The following OPRD1 variants were observed in gnomAD, a reference collection of about 807,000 sequenced individuals.
OPRD1 encodes delta-type opioid receptor.
A neutral mutation model predicts 17.5 loss-of-function variants in OPRD1; 19 were observed. That is an observed-to-expected ratio of 1.09 (90% CI 0.76 to 1.60). The LOEUF (loss-of-function observed/expected upper bound fraction) is 1.60. Among genes scored for constraint, OPRD1 ranks in the 40% most tolerant of loss-of-function variants. The pLI, the probability that OPRD1 is intolerant of heterozygous loss-of-function variation, is 0.00. For missense variants in OPRD1, 483 were observed against 547.2 expected (o/e 0.88, Z 1.17); for synonymous variants, 256 against 240.9 (o/e 1.06, Z -0.58).
At position 28,863,472 on chromosome 1, in the gene OPRD1, G is replaced by A; in HGVS notation, c.*189G>A. On this transcript the variant is annotated 3_prime_UTR_variant, in exon 3 of 3. Coordinates refer to ENST00000234961, the MANE Select transcript of OPRD1 (RefSeq NM_000911.4). ...GGGCATGGGGTGGGCCTCTGGTTTGGGGCGAGGCAGAGGACAGATCAATGG... is the reference window on the plus strand; with the variant it reads ...GGGCATGGGGTGGGCCTCTGGTTTGAGGCGAGGCAGAGGACAGATCAATGG... 5 of 627,482 alleles carry A rather than the reference G, an allele frequency of 8.0e-6. No homozygotes were observed. Among genetic ancestry groups the A allele is most frequent in the African/African-American group, 2.0e-5 (1 of 50,888 alleles). 38.9% of individuals were successfully genotyped at this position (627,482 alleles called of 1,614,324 possible). A position where few individuals can be genotyped will look rare whatever the true frequency, so the allele number is the denominator to read the frequency against.
At chr1:28,830,532 A>G (rs1429388065) in intron 1 of OPRD1, among the ~76,000 whole-genome samples, 2 of 152,096 alleles carry the variant, frequency 1.3e-5, no homozygotes, top group East Asian at 3.8e-4. Flanking sequence ...CAAAAATAAA[A>G]CAACAACAAC....
At chr1:28,839,693 T>TG (rs1419634639) in intron 1 of OPRD1, among the ~76,000 whole-genome samples, 2 of 151,772 alleles carry the variant, frequency 1.3e-5, no homozygotes, top group African/African-American at 4.8e-5. Context: ...TGTGCATCAG[T>TG]GGGAAAAAAA....
intron 1 of OPRD1, among the ~76,000 whole-genome samples, chr1:28,832,847 C>G (rs577171676): frequency 6.6e-6 from 1 of 152,256 alleles, no homozygotes; most frequent in East Asian, 1.9e-4. Flanking sequence ...ACAGGGGCTC[C>G]CTAGCCCATT....
intron 2 of OPRD1, among the ~76,000 whole-genome samples, chr1:28,862,249 G>A (rs1203270569): frequency 9.2e-5 from 14 of 152,078 alleles, no homozygotes; most frequent in African/African-American, 3.1e-4. Flanking sequence ...CGACAATCCT[G>A]GAGATGTGGG....
chr1:28,814,647 C>T (rs1396238328), intron 1 of OPRD1, among the ~76,000 whole-genome samples: 1 of 152,160 alleles, frequency 6.6e-6, no homozygotes, highest in Non-Finnish European at 1.5e-5. Flanking sequence ...AGCACAGCTT[C>T]CCCACTACCA....
chr1:28,827,847 A>C (rs681301), intron 1 of OPRD1, among the ~76,000 whole-genome samples: 64,631 of 151,980 alleles, frequency 0.43, 15,758 homozygotes, highest in African/African-American at 0.67. Context: ...GCCTCAGTCT[A>C]CCAAGTTGCT....
intron 1 of OPRD1, among the ~76,000 whole-genome samples, chr1:28,842,388 A>G (rs1277134076): frequency 1.3e-5 from 2 of 152,206 alleles, no homozygotes; most frequent in Non-Finnish European, 2.9e-5. Flanking sequence ...TTGCCTGGGG[A>G]GAACATTCTT....
intron 1 of OPRD1, among the ~76,000 whole-genome samples, chr1:28,833,919 G>A (rs537808135): frequency 2.7e-4 from 41 of 152,302 alleles, no homozygotes; most frequent in African/African-American, 9.4e-4. Flanking sequence ...ACAAAAGTAG[G>A]TGGTCACAAA....
At chr1:28,819,266 C>T (rs1167525418) in intron 1 of OPRD1, among the ~76,000 whole-genome samples, 1 of 151,360 alleles carries the variant, frequency 6.6e-6, no homozygotes, top group African/African-American at 2.4e-5. Context: ...GACTGGACAA[C>T]ATAGCAAGAC....
intron 1 of OPRD1, among the ~76,000 whole-genome samples, chr1:28,844,121 G>A (rs949017399): frequency 2.7e-5 from 4 of 150,576 alleles, no homozygotes; most frequent in Non-Finnish European, 4.4e-5. Flanking sequence ...AACGGTACAC[G>A]AGAGTTCCAG....
Position 28,865,083 on chromosome 1 carries a change from A to C in OPRD1, c.*1800A>C, listed in dbSNP as rs2089164996. 6.6e-6 allele frequency: 1 copy of C among 151,750 alleles called. No homozygotes were observed. The highest frequency in any genetic ancestry group is 1.5e-5 in the Non-Finnish European group (1 of 67,990). 9.4% of individuals were successfully genotyped at this position (151,750 alleles called of 1,614,324 possible). A position where few individuals can be genotyped will look rare whatever the true frequency, so the allele number is the denominator to read the frequency against. On this transcript the variant is annotated 3_prime_UTR_variant, in exon 3 of 3. Transcript: ENST00000234961. ...GATATCCACCTGGAGTTGGGTGTAG[A>C]AGTTTTTCTTTTCATTGGTTCGGCA... is the stretch of plus-strand genomic sequence containing the variant.
In OPRD1 at chr1:28,862,948, ATGGTGCTGG is replaced by A; in HGVS notation, c.789_797del (p.Leu264_Val266del). 1 of 1,612,840 alleles carries A rather than the reference ATGGTGCTGG, an allele frequency of 6.2e-7. No individual in the cohort carries two copies. The highest frequency in any genetic ancestry group is 8.5e-7 in the Non-Finnish European group (1 of 1,179,694). ...CCGCAGCCTGCGGCGCATCACGCGC[ATGGTGCTGG>A]TGGTTGTGGGCGCCTTCGTGGTGTG... On this transcript the variant is annotated inframe_deletion, in exon 3 of 3. Transcript: ENST00000234961.
At chr1:28,858,258 C>T (rs2089076888) in intron 1 of OPRD1, among the ~76,000 whole-genome samples, 2 of 150,934 alleles carry the variant, frequency 1.3e-5, no homozygotes, top group African/African-American at 2.4e-5. Flanking sequence ...GGACTACAGG[C>T]GCCCACCATC....
At chr1:28,860,899 T>C (rs1445313249) in intron 2 of OPRD1, among the ~76,000 whole-genome samples, 1 of 152,118 alleles carries the variant, frequency 6.6e-6, no homozygotes, top group Non-Finnish European at 1.5e-5. Context: ...CCATTGGCCT[T>C]GACTCACAGC....
In OPRD1 at chr1:28,849,330, A is replaced by T. The variant is rs183858005; in HGVS notation, c.228-9624A>T. On this transcript the variant is annotated intron_variant, in intron 1 of 2. Coordinates refer to ENST00000234961, the MANE Select transcript of OPRD1 (RefSeq NM_000911.4). ...GAATTCTGGCAGCCAGAGGTATGCA[A>T]CCCGGGTGAGAGATGGGGAGATTAT... is the stretch of plus-strand genomic sequence containing the variant. Among the ~76,000 whole-genome samples, 123 of 151,980 alleles carry T rather than the reference A, an allele frequency of 8.1e-4. No individual in the cohort carries two copies. In the East Asian group the frequency reaches 0.021, roughly 26 times the overall value.
chr1:28,825,338 A>T (rs1392524433), intron 1 of OPRD1, among the ~76,000 whole-genome samples: 1 of 152,114 alleles, frequency 6.6e-6, no homozygotes, highest in Non-Finnish European at 1.5e-5. Context: ...TTCCAAAGTG[A>T]GAGAGAGGCA....
chr1:28,827,486 C>T (rs764720719), intron 1 of OPRD1, among the ~76,000 whole-genome samples: 1 of 151,972 alleles, frequency 6.6e-6, no homozygotes, highest in South Asian at 2.1e-4. Flanking sequence ...CATGCCATTG[C>T]GCCTAGCTTC....
Position 28,863,181 on chromosome 1 carries a change from C to T in OPRD1, c.1017C>T (p.Arg339=). 2 of 1,597,618 alleles carry T rather than the reference C, an allele frequency of 1.3e-6. No individual in the cohort carries two copies. The highest frequency in any genetic ancestry group is 1.7e-6 in the Non-Finnish European group (2 of 1,176,726). The change falls in exon 3 of 3, where the codon CGC becomes CGT. Residue 339 remains arginine, a synonymous_variant. Transcript: ENST00000234961. ...FRQLCRKPCG[R]PDPSSFSRAR... ...AGCTCTGCCGCAAGCCCTGCGGCCG[C>T]CCAGACCCCAGCAGCTTCAGCCGCG...
intron 1 of OPRD1, among the ~76,000 whole-genome samples, chr1:28,827,279 G>C (rs370227560): frequency 2.0e-5 from 3 of 152,164 alleles, no homozygotes; most frequent in Admixed American, 1.3e-4. Context: ...CTGGGTGACA[G>C]AGCAAGACCC....
Sources: gnomAD v4.1 joint callset for allele counts (sites outside exome capture counted in the v4.1 genomes callset) on GRCh38, gnomAD v4.1.1 for gene constraint, MANE v1.5 for transcripts, NCBI Gene and HGNC (gene_info 2026-07-23, HGNC 2026-07-21) for gene names.